Variants in EXT1 observed in about 807,000 individuals in gnomAD.
EXT1 encodes the protein exostosin glycosyltransferase 1.
In EXT1, 20 loss-of-function variants were observed where a neutral mutation model predicts 82.5. That is an observed-to-expected ratio of 0.24 (90% CI 0.17 to 0.35). EXT1 has a LOEUF of 0.35. EXT1 is among the 10% of genes least tolerant of loss of function. The pLI, the probability that EXT1 is intolerant of heterozygous loss-of-function variation, is 1.00. For synonymous variants in EXT1, 348 were observed against 350.8 expected (o/e 0.99, Z 0.09); for missense variants, 757 against 936.5 (o/e 0.81, Z 2.50).
intron 1 of EXT1, among the ~76,000 whole-genome samples, chr8:117,867,924 C>G (rs1358407440): frequency 6.6e-6 from 1 of 152,274 alleles, no homozygotes; most frequent in East Asian, 1.9e-4. Flanking sequence ...AATAGAGAAG[C>G]CCTGAGAAAC....
In EXT1 at chr8:117,842,233, A is replaced by C. The variant is rs1047310193; in HGVS notation, c.963-5032T>G. 3.3e-5 allele frequency among the ~76,000 whole-genome samples: 5 copies of C among 152,222 alleles called. No individual in the cohort carries two copies. In the South Asian group the frequency reaches 1.0e-3, roughly 31 times the overall value. ...ATTTATAAACTGAGTAATCTTGAGA[A>C]AGTTATTTAATTTGTTTAATCCTAG... On this transcript the variant is annotated intron_variant, in intron 1 of 10. Coordinates refer to ENST00000378204, the MANE Select transcript of EXT1 (RefSeq NM_000127.3).
At chr8:117,986,025 C>CT (rs1554591438) in intron 1 of EXT1, among the ~76,000 whole-genome samples, 8 of 152,018 alleles carry the variant, frequency 5.3e-5, no homozygotes, top group Admixed American at 2.0e-4. Context: ...GTATTCTTGA[C>CT]TTTTTTTTAC....
At chr8:118,071,662 C>T (rs901111536) in intron 1 of EXT1, among the ~76,000 whole-genome samples, 2 of 152,128 alleles carry the variant, frequency 1.3e-5, no homozygotes, top group African/African-American at 4.8e-5. Context: ...CCCCTCTCCT[C>T]TCCCATCCTT....
chr8:117,949,073 A>G (rs1407606724), intron 1 of EXT1, among the ~76,000 whole-genome samples: 1 of 152,198 alleles, frequency 6.6e-6, no homozygotes, highest in Non-Finnish European at 1.5e-5. Context: ...CGACTCTAAT[A>G]TTCTTTGTTG....
At position 117,799,874 on chromosome 8, in the gene EXT1, A is replaced by G; in HGVS notation, c.2079T>C (p.Ala693=). 1 of 1,614,162 alleles carries G rather than the reference A, an allele frequency of 6.2e-7. No individual in the cohort carries two copies. Among genetic ancestry groups the G allele is most frequent in the Non-Finnish European group, 8.5e-7 (1 of 1,180,046 alleles). The stretch of plus-strand genomic sequence containing the variant: ...GTCGCTGGGCAAAGTGGTCAGGGTC[A>G]GCCCAACGGGAAGCCCGAGAAGTCT... ...MGQTSRASRW[A]DPDHFAQRQS... Residue 693 remains alanine, a synonymous_variant, in exon 11 of 11, where the codon GCT becomes GCC. Coordinates refer to ENST00000378204, the MANE Select transcript of EXT1 (RefSeq NM_000127.3).
intron 4 of EXT1, among the ~76,000 whole-genome samples, chr8:117,829,569 C>CTTTTTTTTTTTTTT (rs35823668): frequency 2.1e-5 from 2 of 96,876 alleles, no homozygotes; most frequent in Non-Finnish European, 4.2e-5. Flanking sequence ...ATATATTTTT[C>CTTTTTTTTTTTTTT]TTTTTTTTTT....
At chr8:117,812,775 T>C (rs1278660457) in intron 8 of EXT1, 97 bp downstream of exon 8, 29 of 1,158,838 alleles carry the variant, frequency 2.5e-5, no homozygotes, top group Non-Finnish European at 3.6e-5. Flanking sequence ...TGTTTTCAAC[T>C]TCTGCCAAGG....
At chr8:117,925,254 A>C (rs909857440) in intron 1 of EXT1, among the ~76,000 whole-genome samples, 1 of 152,180 alleles carries the variant, frequency 6.6e-6, no homozygotes, top group Non-Finnish European at 1.5e-5. Context: ...GATCTGTGAC[A>C]ACAGGAGCTG....
At chr8:118,099,771 T>C (rs1309364590) in intron 1 of EXT1, among the ~76,000 whole-genome samples, 4 of 152,238 alleles carry the variant, frequency 2.6e-5, no homozygotes, top group East Asian at 1.9e-4. Context: ...TGCTTAGATA[T>C]GAGTTGCTGT....
chr8:117,866,775 T>G (rs58129290), intron 1 of EXT1, among the ~76,000 whole-genome samples: 2,720 of 147,402 alleles, frequency 0.018, 86 homozygotes, highest in African/African-American at 0.065. Context: ...GTCTAGGAAT[T>G]TGCTTCCCTG....
chr8:117,946,928 C>T (rs763830304), intron 1 of EXT1, among the ~76,000 whole-genome samples: 1 of 152,146 alleles, frequency 6.6e-6, no homozygotes, highest in African/African-American at 2.4e-5. Context: ...CAGAGGAAAA[C>T]GTGGATGGCT....
At chr8:117,994,518 G>A (rs1305044355) in intron 1 of EXT1, among the ~76,000 whole-genome samples, 1 of 152,202 alleles carries the variant, frequency 6.6e-6, no homozygotes, top group Non-Finnish European at 1.5e-5. Flanking sequence ...GAGTGAGGCA[G>A]GAGGATCACT....
At chr8:118,031,500 G>C (rs1816318425) in intron 1 of EXT1, among the ~76,000 whole-genome samples, 1 of 151,772 alleles carries the variant, frequency 6.6e-6, no homozygotes, top group Non-Finnish European at 1.5e-5. Context: ...ACTCTAGCTG[G>C]GGTGACAGAG....
At chr8:117,936,269 T>G (rs1248716961) in intron 1 of EXT1, among the ~76,000 whole-genome samples, 1 of 150,146 alleles carries the variant, frequency 6.7e-6, no homozygotes, top group Non-Finnish European at 1.5e-5. Flanking sequence ...AGCCTGTGGA[T>G]CTATACTCCA....
intron 10 of EXT1, 141 bp from the exon 11 acceptor site, chr8:117,800,038 A>C (rs540274453): frequency 1.2e-6 from 1 of 800,726 alleles, no homozygotes; most frequent in African/African-American, 1.7e-5. Context: ...CCATCTATGC[A>C]CCTGCTGAAA....
chr8:118,057,666 C>A (rs1816815385), intron 1 of EXT1, among the ~76,000 whole-genome samples: 1 of 127,858 alleles, frequency 7.8e-6, no homozygotes, highest in African/African-American at 2.7e-5. Flanking sequence ...AATGTCTGGT[C>A]TCTTTAAAAA....
At chr8:117,949,394 G>A (rs1814447569) in intron 1 of EXT1, among the ~76,000 whole-genome samples, 1 of 151,364 alleles carries the variant, frequency 6.6e-6, no homozygotes, top group African/African-American at 2.4e-5. Context: ...AATAATAATG[G>A]ACCAGAGAGA....
At chr8:118,098,070 G>T (rs748418106) in intron 1 of EXT1, among the ~76,000 whole-genome samples, 1 of 152,098 alleles carries the variant, frequency 6.6e-6, no homozygotes, top group Non-Finnish European at 1.5e-5. Flanking sequence ...AAGGCAGGCA[G>T]AGCTTGCCTG....
intron 8 of EXT1, among the ~76,000 whole-genome samples, chr8:117,812,576 C>T (rs936563906): frequency 6.6e-6 from 1 of 152,138 alleles, no homozygotes; most frequent in East Asian, 1.9e-4. Flanking sequence ...CAACTGCTCA[C>T]AACTGTGCTG....
Sources: allele counts gnomAD v4.1 joint callset (sites outside exome capture counted in the v4.1 genomes callset), GRCh38; gene constraint gnomAD v4.1.1; transcripts MANE v1.5; gene names NCBI Gene and HGNC (gene_info 2026-07-23, HGNC 2026-07-21).